SEMA6D: variants seen among roughly 807,000 people sequenced by gnomAD.
The protein encoded by SEMA6D is semaphorin-6D.
A neutral mutation model predicts 106.6 loss-of-function variants in SEMA6D; 35 were observed. That is an observed-to-expected ratio of 0.33 (90% CI 0.25 to 0.44). The LOEUF (loss-of-function observed/expected upper bound fraction) is 0.44, where lower values mean the gene tolerates loss of function less well. SEMA6D is among the 20% of genes least tolerant of loss of function. The probability of loss-of-function intolerance (pLI) is 1.00; values close to 1 mark genes in which losing one functional copy is unlikely to be tolerated. For synonymous variants in SEMA6D, 499 were observed against 487.7 expected, an observed-to-expected ratio of 1.02 and a Z score of -0.31; for missense variants, 1,185 against 1,345.9, an observed-to-expected ratio of 0.88 and a Z score of 1.87.
chr15:47,415,128 C>T (rs150154921), intron 2 of SEMA6D, among the ~76,000 whole-genome samples: 4 of 152,252 alleles, frequency 2.6e-5, no homozygotes, highest in Non-Finnish European at 4.4e-5. Flanking sequence ...GCATCTTCAT[C>T]GATCTGGTCT....
intron 1 of SEMA6D, chr15:47,396,362 G>A (rs1019686672): frequency 6.6e-6 from 1 of 152,486 alleles, no homozygotes; most frequent in Non-Finnish European, 1.5e-5. Flanking sequence ...TGATCACAAG[G>A]TGAAGTACCA....
intron 3 of SEMA6D, among the ~76,000 whole-genome samples, chr15:47,507,303 C>A (rs1234207807): frequency 6.6e-6 from 1 of 152,138 alleles, no homozygotes; most frequent in East Asian, 1.9e-4. Context: ...CCTTTTCCTT[C>A]CAAGGCAACA....
At chr15:47,300,190 C>A (rs570186261) in intron 1 of SEMA6D, among the ~76,000 whole-genome samples, 1 of 152,132 alleles carries the variant, frequency 6.6e-6, no homozygotes, top group Non-Finnish European at 1.5e-5. Flanking sequence ...CTCCTCCTCA[C>A]GCTGAGGGCT....
chr15:47,307,505 C>G lies in SEMA6D; in HGVS notation c.-238-104888C>G, dbSNP rs562434129. 1.1e-4 allele frequency among the ~76,000 whole-genome samples: 16 copies of G among 152,200 alleles called. No individual in the cohort carries two copies. The East Asian group carries it at 2.9e-3, about 28-fold the overall frequency. ...TAAGGAAAAATATGAATTTTCTCAG[C>G]CCAATTAACAGATGATTTTTACCTA... On this transcript the variant is annotated intron_variant, in intron 1 of 19. Coordinates refer to the SEMA6D transcript ENST00000558014.
At chr15:47,228,134 GTGT>G (rs1456945325) in intron 1 of SEMA6D, among the ~76,000 whole-genome samples, 3 of 83,516 alleles carry the variant, frequency 3.6e-5, no homozygotes, top group African/African-American at 1.8e-4. Flanking sequence ...ATATGTGTGT[GTGT>G]ACACACACAC....
At position 47,337,268 on chromosome 15, in the gene SEMA6D, A is replaced by G. The variant is rs564110970; in HGVS notation, c.-238-75125A>G. On this transcript the variant is annotated intron_variant, in intron 1 of 19. Transcript: ENST00000558014. ...AGCAGTGCAGAGATGGGTTGAATCTAGACATGTTACTCTTGCACCCTCAGG... is the reference window on the plus strand; with the variant it reads ...AGCAGTGCAGAGATGGGTTGAATCTGGACATGTTACTCTTGCACCCTCAGG... Among the ~76,000 whole-genome samples, 29 of 152,280 alleles carry G rather than the reference A, an allele frequency of 1.9e-4. 1 individual carries two copies. The South Asian group carries it at 6.0e-3, about 32-fold the overall frequency.
chr15:47,329,321 A>T (rs1567002214), intron 1 of SEMA6D, among the ~76,000 whole-genome samples: 1 of 152,204 alleles, frequency 6.6e-6, no homozygotes, highest in Non-Finnish European at 1.5e-5. Flanking sequence ...TCATTTTCTT[A>T]ACCTGTTCAC....
At chr15:47,618,103 C>T (rs1363721582) in intron 4 of SEMA6D, among the ~76,000 whole-genome samples, 1 of 152,166 alleles carries the variant, frequency 6.6e-6, no homozygotes, top group Non-Finnish European at 1.5e-5. Context: ...GCTGGGTGAC[C>T]TAACCCTTGC....
At chr15:47,697,232 G>A (rs899671669) in intron 4 of SEMA6D, among the ~76,000 whole-genome samples, 4 of 152,152 alleles carry the variant, frequency 2.6e-5, no homozygotes, top group African/African-American at 7.2e-5. Context: ...AGGATGGAGG[G>A]CCCTGAATGT....
intron 4 of SEMA6D, among the ~76,000 whole-genome samples, chr15:47,609,695 T>G (rs1299337926): frequency 1.3e-5 from 2 of 152,204 alleles, no homozygotes; most frequent in Non-Finnish European, 2.9e-5. Flanking sequence ...CGTAACCCAA[T>G]TAACCTGGAT....
chr15:47,561,081 G>A (rs2046066905), intron 3 of SEMA6D, among the ~76,000 whole-genome samples: 2 of 151,104 alleles, frequency 1.3e-5, no homozygotes, highest in South Asian at 2.1e-4. Context: ...CAAGTTTTGA[G>A]GAAATAATGG....
chr15:47,686,007 G>T (rs1337166292), intron 4 of SEMA6D, among the ~76,000 whole-genome samples: 4 of 152,118 alleles, frequency 2.6e-5, no homozygotes, highest in Non-Finnish European at 5.9e-5. Context: ...TTGCAGAGAG[G>T]AATAGAAATT....
At chr15:47,352,048 A>G (rs1179071496) in intron 1 of SEMA6D, among the ~76,000 whole-genome samples, 1 of 152,154 alleles carries the variant, frequency 6.6e-6, no homozygotes, top group Admixed American at 6.5e-5. Context: ...AAACTTTCAC[A>G]GTCATCGTAT....
intron 4 of SEMA6D, among the ~76,000 whole-genome samples, chr15:47,695,931 G>C (rs1282509159): frequency 6.6e-6 from 1 of 152,108 alleles, no homozygotes; most frequent in Non-Finnish European, 1.5e-5. Context: ...CCTGGTCATT[G>C]GTAGTTTTAG....
At chr15:47,429,946 C>T (rs1313079154) in intron 2 of SEMA6D, among the ~76,000 whole-genome samples, 1 of 151,982 alleles carries the variant, frequency 6.6e-6, no homozygotes, top group East Asian at 1.9e-4. Flanking sequence ...GTAACACAGA[C>T]CAAGCATCTT....
At chr15:47,618,255 A>G (rs2077040884) in intron 4 of SEMA6D, among the ~76,000 whole-genome samples, 2 of 152,256 alleles carry the variant, frequency 1.3e-5, no homozygotes, top group African/African-American at 4.8e-5. Flanking sequence ...CTGAAATCAG[A>G]CTGTCCTAAA....
chr15:47,256,934 G>A (rs766199944), intron 1 of SEMA6D, among the ~76,000 whole-genome samples: 1 of 152,010 alleles, frequency 6.6e-6, no homozygotes, highest in Admixed American at 6.5e-5. Flanking sequence ...ATTCCATCAT[G>A]TCATTTGCAA....
Position 47,308,679 on chromosome 15 carries a change from A to G in SEMA6D, c.-238-103714A>G, listed in dbSNP as rs369418468. 6.6e-5 allele frequency among the ~76,000 whole-genome samples: 10 copies of G among 152,304 alleles called. 1 individual carries two copies. The highest frequency in any genetic ancestry group is 2.4e-4 in the African/African-American group (10 of 41,566). On this transcript the variant is annotated intron_variant, in intron 1 of 19. Transcript: ENST00000558014. ...AAGAGTTGTGTTGAGCTCTTCATGC[A>G]TCTCTGTAAAAGAACTATAATGATC... is the stretch of plus-strand genomic sequence containing the variant.
chr15:47,629,375 A>T (rs972629418), intron 4 of SEMA6D, among the ~76,000 whole-genome samples: 2 of 152,026 alleles, frequency 1.3e-5, no homozygotes, highest in Non-Finnish European at 2.9e-5. Flanking sequence ...AAGAATTGAT[A>T]TTCTTACTAT....
Sources: gnomAD v4.1 joint callset for allele counts (sites outside exome capture counted in the v4.1 genomes callset) on GRCh38, gnomAD v4.1.1 for gene constraint, MANE v1.5 for transcripts, NCBI Gene and HGNC (gene_info 2026-07-23, HGNC 2026-07-21) for gene names.